The following INPP4B variants were observed in gnomAD, a reference collection of about 807,000 sequenced individuals.
INPP4B encodes inositol polyphosphate-4-phosphatase type II B.
INPP4B carries 55 observed loss-of-function variants against 122.5 expected under a neutral mutation model. That is an observed-to-expected ratio of 0.45 (90% confidence interval 0.36 to 0.56). The LOEUF is 0.56. INPP4B is among the 20% of genes least tolerant of loss of function. The pLI is 0.00. For missense variants in INPP4B, 1,000 were observed against 1,097.7 expected (o/e 0.91, Z 1.26); for synonymous variants, 403 against 388.7 (o/e 1.04, Z -0.43).
chr4:142,640,787 AAGAT>A (rs975954226), intron 2 of INPP4B, among the ~76,000 whole-genome samples: 5 of 152,088 alleles, frequency 3.3e-5, no homozygotes, highest in Admixed American at 1.3e-4. Context: ...TCAAAAAAAA[AAGAT>A]AGCCAAATTG....
intron 17 of INPP4B, 87 bp downstream of exon 17, chr4:142,160,271 T>C: frequency 1.0e-6 from 1 of 989,768 alleles, no homozygotes; most frequent in African/African-American, 1.6e-5. Context: ...TTCCATTTTT[T>C]AAAATGGAAA....
chr4:142,623,102 G>A (rs575004489), intron 2 of INPP4B, among the ~76,000 whole-genome samples: 1 of 152,078 alleles, frequency 6.6e-6, no homozygotes, highest in South Asian at 2.1e-4. Context: ...AAACTCCAGA[G>A]TCAAATCGCC....
intron 2 of INPP4B, among the ~76,000 whole-genome samples, chr4:142,706,428 T>C (rs774574648): frequency 1.3e-5 from 2 of 152,238 alleles, no homozygotes; most frequent in African/African-American, 4.8e-5. Flanking sequence ...ATAAGTTCGG[T>C]TGCTTAATGG....
At chr4:142,480,345 G>A (rs1820357748) in intron 2 of INPP4B, among the ~76,000 whole-genome samples, 1 of 152,104 alleles carries the variant, frequency 6.6e-6, no homozygotes, top group Non-Finnish European at 1.5e-5. Flanking sequence ...GATCCTTTCA[G>A]CTTTATGAAG....
At chr4:142,818,762 A>G (rs1395922894) in intron 1 of INPP4B, among the ~76,000 whole-genome samples, 2 of 152,036 alleles carry the variant, frequency 1.3e-5, no homozygotes, top group African/African-American at 4.8e-5. Flanking sequence ...TCACTGTTCA[A>G]TTGTTCTCAC....
At chr4:142,286,990 A>G (rs1052990335) in intron 9 of INPP4B, 16 of 152,144 alleles carry the variant, frequency 1.1e-4, no homozygotes, top group African/African-American at 3.9e-4. Context: ...CTTCCGAGCT[A>G]GAGACATTTT....
intron 7 of INPP4B, among the ~76,000 whole-genome samples, chr4:142,394,414 G>A (rs1047543526): frequency 6.6e-6 from 1 of 152,102 alleles, no homozygotes; most frequent in Non-Finnish European, 1.5e-5. Flanking sequence ...CAAAGTGCTG[G>A]GATTACAGGC....
chr4:142,736,650 T>C (rs541659954), intron 1 of INPP4B, among the ~76,000 whole-genome samples: 1 of 152,346 alleles, frequency 6.6e-6, no homozygotes, highest in South Asian at 2.1e-4. Context: ...ATTGGTTTTG[T>C]ATCCTGAGAC....
At chr4:142,768,636 A>T (rs1436191553) in intron 1 of INPP4B, among the ~76,000 whole-genome samples, 3 of 152,234 alleles carry the variant, frequency 2.0e-5, no homozygotes, top group Non-Finnish European at 4.4e-5. Context: ...AAGTGGTTAA[A>T]GCAAAGCTGG....
rs181933383 is a variant in INPP4B, at chr4:142,739,467, G to A, written c.-253-13566C>T. Among the ~76,000 whole-genome samples the A allele has an allele frequency of 8.2e-4, 124 of 152,104 alleles. No individual in the cohort carries two copies. In the Middle Eastern group the frequency reaches 0.017, roughly 21 times the overall value. ...AATGAGTCAATTTTAACTGTGTGAC[G>A]TGTGATAACCATATCAGAGTTATGT... On this transcript the variant is annotated intron_variant, in intron 1 of 25. Transcript: ENST00000262992.
chr4:142,574,617 C>T (rs781484241), intron 2 of INPP4B, among the ~76,000 whole-genome samples: 3 of 152,014 alleles, frequency 2.0e-5, no homozygotes, highest in Non-Finnish European at 4.4e-5. Flanking sequence ...AGAAAATTAC[C>T]AATGTGTCAA....
At chr4:142,339,597 G>T (rs925912054) in intron 7 of INPP4B, among the ~76,000 whole-genome samples, 3 of 152,172 alleles carry the variant, frequency 2.0e-5, no homozygotes, top group Non-Finnish European at 4.4e-5. Context: ...CTGGTGGAAA[G>T]CACGTCCCTC....
At chr4:142,308,537 T>C (rs1764277179) in intron 8 of INPP4B, among the ~76,000 whole-genome samples, 1 of 152,138 alleles carries the variant, frequency 6.6e-6, no homozygotes, top group Admixed American at 6.5e-5. Context: ...AAAAGAAGGA[T>C]TCTCTCACCC....
intron 1 of INPP4B, among the ~76,000 whole-genome samples, chr4:142,777,637 C>T (rs79051998): frequency 0.05 from 7,643 of 152,202 alleles, 268 homozygotes; most frequent in African/African-American, 0.092. Flanking sequence ...AAATTTGTTA[C>T]ACAACCATAG....
At chr4:142,252,803 C>A (rs1378903469) in intron 11 of INPP4B, among the ~76,000 whole-genome samples, 1 of 152,196 alleles carries the variant, frequency 6.6e-6, no homozygotes, top group Non-Finnish European at 1.5e-5. Context: ...GAGCTTCACA[C>A]TGTCTTCTAG....
intron 17 of INPP4B, among the ~76,000 whole-genome samples, chr4:142,158,570 A>G (rs556938568): frequency 1.3e-5 from 2 of 152,264 alleles, no homozygotes; most frequent in African/African-American, 2.4e-5. Flanking sequence ...AGTTGAAGTC[A>G]TATTAGCAGA....
At chr4:142,404,477 A>G (rs572051786) in intron 6 of INPP4B, among the ~76,000 whole-genome samples, 2 of 152,308 alleles carry the variant, frequency 1.3e-5, no homozygotes, top group South Asian at 4.1e-4. Context: ...GAAATGTGTG[A>G]TCAGAACAAA....
chr4:142,026,024 C>A lies in INPP4B; in HGVS notation c.*2758G>T, dbSNP rs1736892630. ...TAAATAGCTAATCCAGAATTGATAT[C>A]TGCATTTAATATCAAAGGGGAACAT... On this transcript the variant is annotated 3_prime_UTR_variant, in exon 26 of 26. Coordinates refer to ENST00000262992, the MANE Select transcript of INPP4B (RefSeq NM_001101669.3). 6.6e-6 allele frequency: 1 copy of A among 151,868 alleles called. No homozygotes were observed. Among genetic ancestry groups the A allele is most frequent in the Non-Finnish European group, 1.5e-5 (1 of 67,950 alleles). The allele number at this position is 151,868 out of a possible 1,614,324, so 9.4% of individuals were successfully genotyped here. A position where few individuals can be genotyped will look rare whatever the true frequency, so the allele number is the denominator to read the frequency against.
intron 15 of INPP4B, among the ~76,000 whole-genome samples, chr4:142,192,542 G>T (rs1205377048): frequency 6.6e-6 from 1 of 151,906 alleles, no homozygotes; most frequent in East Asian, 1.9e-4. Context: ...ATATTTAAAA[G>T]CATGTAAAAA....
Sources: allele counts gnomAD v4.1 joint callset (sites outside exome capture counted in the v4.1 genomes callset), GRCh38; gene constraint gnomAD v4.1.1; transcripts MANE v1.5; gene names NCBI Gene and HGNC (gene_info 2026-07-23, HGNC 2026-07-21).